Variants in SRRM2 observed in about 807,000 individuals in gnomAD.
SRRM2 encodes the protein serine/arginine repetitive matrix 2.
In SRRM2, 30 loss-of-function variants were observed where a neutral mutation model predicts 213.8. That is an observed-to-expected ratio of 0.14 (90% CI 0.10 to 0.19). SRRM2 has a LOEUF of 0.19. SRRM2 is among the 10% of genes least tolerant of loss of function. SRRM2 has a pLI of 1.00. For synonymous variants in SRRM2, 2,025 were observed against 1,377.7 expected, an observed-to-expected ratio of 1.47 and a Z score of -10.40; for missense variants, 4,904 against 3,647.0, an observed-to-expected ratio of 1.34 and a Z score of -8.88.
Position 2,771,001 on chromosome 16 carries a change from C to A in SRRM2, c.*134C>A, listed in dbSNP as rs747061247. 5 of 994,404 alleles carry A rather than the reference C, an allele frequency of 5.0e-6. No individual in the cohort carries two copies. The highest frequency in any genetic ancestry group is 2.7e-5 in the East Asian group (1 of 37,346). The allele number at this position is 994,404 out of a possible 1,614,324, so 61.6% of individuals were successfully genotyped here. The stretch of plus-strand genomic sequence containing the variant: ...TGGCAGCCCTTGGATGGAGGGCTCC[C>A]TTTCCCTCCCCTTTTTTTTTTCTTT... On this transcript the variant is annotated 3_prime_UTR_variant, in exon 15 of 15. Transcript: ENST00000301740.
rs895417957 is a variant in SRRM2, at chr16:2,771,412, A to G, written c.*545A>G. 1.2e-6 allele frequency: 2 copies of G among 1,612,190 alleles called. No homozygotes were observed. Among genetic ancestry groups the G allele is most frequent in the Non-Finnish European group, 1.7e-6 (2 of 1,178,416 alleles). ...TCAAATAAAAATGAGAAATGCAGGA[A>G]CTGGGTCTGTAGACTGTTTATTAAA... On this transcript the variant is annotated 3_prime_UTR_variant, in exon 15 of 15. Transcript: ENST00000301740.
intron 5 of SRRM2, 114 bp from the exon 6 acceptor site, chr16:2,758,871 T>A: frequency 9.0e-7 from 1 of 1,115,608 alleles, no homozygotes; most frequent in African/African-American, 1.6e-5. Context: ...TCTGGGGCAT[T>A]AGTGCTATTA....
At chr16:2,758,117 G>A (rs2068212746) in intron 4 of SRRM2, among the ~76,000 whole-genome samples, 172 bp downstream of exon 4, 1 of 152,188 alleles carries the variant, frequency 6.6e-6, no homozygotes. Context: ...GGTCACGCGC[G>A]TAATCCCAGC....
Position 2,765,670 on chromosome 16 carries a change from A to C in SRRM2, c.5142A>C (p.Pro1714=). The C allele has an allele frequency of 6.2e-7, 1 of 1,614,120 alleles. No homozygotes were observed. Among genetic ancestry groups the C allele is most frequent in the South Asian group, 1.1e-5 (1 of 91,066 alleles). The part of the protein sequence containing the change: ...SRRSRSASSS[P]ETRSRTPPRH... The stretch of plus-strand genomic sequence containing the variant: ...GAAGCCGCTCTGCCTCATCCTCACC[A>C]GAAACTCGCTCTAGAACTCCCCCAA... The change falls in exon 11 of 15, where the codon CCA becomes CCC. Residue 1714 remains proline (P), a synonymous_variant. Coordinates refer to ENST00000301740, the MANE Select transcript of SRRM2 (RefSeq NM_016333.4).
Position 2,767,975 on chromosome 16 carries a change from A to G in SRRM2, c.7447A>G (p.Thr2483Ala). ...CCTTTCCTCTGGGGCAGTGGCAACGACCACGTCCTCTGCTGGTGATCACAA... is the reference window on the plus strand; with the variant it reads ...CCTTTCCTCTGGGGCAGTGGCAACGGCCACGTCCTCTGCTGGTGATCACAA... ...QSLSSGAVAT[T>A]TSSAGDHNGM... Residue 2483 changes from threonine (T) to alanine (A), a missense_variant, in exon 11 of 15, where the codon ACC becomes GCC. Thr to Ala is a moderately conservative substitution (Grantham distance 58). Coordinates refer to ENST00000301740, the MANE Select transcript of SRRM2 (RefSeq NM_016333.4). 1 of 1,614,060 alleles carries G rather than the reference A, an allele frequency of 6.2e-7. No individual in the cohort carries two copies. Among genetic ancestry groups the G allele is most frequent in the Non-Finnish European group, 8.5e-7 (1 of 1,180,002 alleles).
intron 12 of SRRM2, 153 bp downstream of exon 12, chr16:2,769,437 C>T (rs1011350446): frequency 2.5e-5 from 22 of 878,782 alleles, no homozygotes; most frequent in Admixed American, 2.2e-4. Context: ...TCCCCATGCT[C>T]GTTGCACCCT....
At chr16:2,770,783 T>A in intron 14 of SRRM2, 66 bp downstream of exon 14, 1 of 1,609,560 alleles carries the variant, frequency 6.2e-7, no homozygotes, top group Non-Finnish European at 8.5e-7. Context: ...GGCGGCCCCA[T>A]TTTGGGAGTG....
chr16:2,760,576 A>T, intron 10 of SRRM2, 77 bp downstream of exon 10: 2 of 1,482,564 alleles, frequency 1.3e-6, no homozygotes, highest in Non-Finnish European at 1.8e-6. Flanking sequence ...TGAAAGGGAG[A>T]GGTAATAACT....
At position 2,763,101 on chromosome 16, in the gene SRRM2, C is replaced by A; in HGVS notation, c.2573C>A (p.Pro858His). ...CCGAGGCAAGGGTCCATAACAAGTC[C>A]CCAGGCCAATGAGCAATCTGTAACG... Reference protein sequence around the residue: ...TPPRQGSITSPQANEQSVTPQ... With the variant: ...TPPRQGSITSHQANEQSVTPQ... Residue 858 changes from proline (P) to histidine (H), a missense_variant, in exon 11 of 15, where the codon CCC becomes CAC. By Grantham distance (77) the Pro-to-His change is moderately conservative (BLOSUM62 -2). Transcript: ENST00000301740. 1.2e-6 allele frequency: 2 copies of A among 1,614,164 alleles called. No individual in the cohort carries two copies. Among genetic ancestry groups the A allele is most frequent in the Non-Finnish European group, 1.7e-6 (2 of 1,180,022 alleles).
chr16:2,766,041 G>A lies in SRRM2; in HGVS notation c.5513G>A (p.Arg1838Gln), dbSNP rs933293650. The A allele has an allele frequency of 1.5e-5, 24 of 1,614,034 alleles. No homozygotes were observed. Among genetic ancestry groups the A allele is most frequent in the Non-Finnish European group, 1.9e-5 (22 of 1,180,044 alleles). ...QESSRTSSRR[R>Q]RGRSRTPPTS... ...AGTTCCCGGACCTCCTCTCGACGCCGAAGAGGCCGCTCTCGGACACCCCCA... is the reference window on the plus strand; with the variant it reads ...AGTTCCCGGACCTCCTCTCGACGCCAAAGAGGCCGCTCTCGGACACCCCCA... The change falls in exon 11 of 15, where the codon CGA becomes CAA. Residue 1838 changes from arginine (R) to glutamine (Q), a missense_variant. Transcript: ENST00000301740. This position sits in a 1 kb window ranked among gnomAD's most constrained non-coding sequence, Gnocchi z 7.0.
rs373493859 is a variant in SRRM2, at chr16:2,770,603, G to T, written c.8136-1G>T. 7.1e-6 allele frequency: 11 copies of T among 1,553,146 alleles called. No homozygotes were observed. Among genetic ancestry groups the T allele is most frequent in the African/African-American group, 2.7e-5 (2 of 73,190 alleles). ...GGCCTGATGTCTGTCCTGTGTTGCA[G>T]CAGCAGCAGTGAGCGGGGTTCCCGG... On this transcript the variant is annotated splice_acceptor_variant, in intron 13 of 14. Transcript: ENST00000301740. LOFTEE classifies it high-confidence loss of function.
chr16:2,755,355 G>A (rs2150770173), intron 1 of SRRM2, among the ~76,000 whole-genome samples: 2 of 152,280 alleles, frequency 1.3e-5, no homozygotes, highest in South Asian at 4.1e-4. Flanking sequence ...CCAGGGGATT[G>A]GTGGGGAAAG....
At position 2,764,914 on chromosome 16, in the gene SRRM2, C is replaced by G. The variant is rs1164375868; in HGVS notation, c.4386C>G (p.Ser1462=). 6.2e-7 allele frequency: 1 copy of G among 1,614,154 alleles called. No individual in the cohort carries two copies. The highest frequency in any genetic ancestry group is 8.5e-7 in the Non-Finnish European group (1 of 1,180,040). ...CCTCGAGGCACAGCCTGTCTGGGTC[C>G]TCTCCTGGAATGAAAGATATACCTA... ...GTPSRHSLSG[S]SPGMKDIPRT... The change falls in exon 11 of 15, where the codon TCC becomes TCG. Residue 1462 remains serine, a synonymous_variant. Coordinates refer to ENST00000301740, the MANE Select transcript of SRRM2 (RefSeq NM_016333.4).
At chr16:2,756,276 C>A (rs962540653) in intron 1 of SRRM2, 58 bp from the exon 2 acceptor site, 2 of 1,408,522 alleles carry the variant, frequency 1.4e-6, no homozygotes, top group Non-Finnish European at 1.9e-6. Flanking sequence ...GGGTGTGGGG[C>A]GGTAAGTGGT....
chr16:2,764,342 C>G lies in SRRM2; in HGVS notation c.3814C>G (p.Pro1272Ala). 1.2e-6 allele frequency: 2 copies of G among 1,614,162 alleles called. No homozygotes were observed. The highest frequency in any genetic ancestry group is 1.7e-6 in the Non-Finnish European group (2 of 1,180,040). ...EMSTSNFESS[P>A]EVEERPAVSL... ...GTCCACAAGTAACTTTGAATCATCT[C>G]CTGAAGTAGAAGAAAGGCCTGCTGT... The change falls in exon 11 of 15, where the codon CCT (proline) becomes GCT (alanine). Residue 1272 changes from proline to alanine, a missense_variant. Coordinates refer to ENST00000301740, the MANE Select transcript of SRRM2 (RefSeq NM_016333.4).
chr16:2,762,422 C>A lies in SRRM2; in HGVS notation c.1894C>A (p.Arg632=). 1 of 1,613,936 alleles carries A rather than the reference C, an allele frequency of 6.2e-7. No homozygotes were observed. Among genetic ancestry groups the A allele is most frequent in the South Asian group, 1.1e-5 (1 of 91,058 alleles). ...CAGATCTAGGACCCGATCACCAGTA[C>A]GACGCAGGTCTCGTAGTAGATCACC... ...RRRSRTRSPV[R]RRSRSRSPAR... The change falls in exon 11 of 15, where the codon CGA becomes AGA. Residue 632 remains arginine (R), a synonymous_variant. Transcript: ENST00000301740.
In SRRM2 at chr16:2,763,245, G is replaced by C. The variant is rs535878526; in HGVS notation, c.2717G>C (p.Arg906Thr). 1.2e-6 allele frequency: 2 copies of C among 1,614,032 alleles called. No homozygotes were observed. Among genetic ancestry groups the C allele is most frequent in the East Asian group, 4.5e-5 (2 of 44,882 alleles). The change falls in exon 11 of 15, where the codon AGA becomes ACA. Residue 906 changes from arginine to threonine, a missense_variant. Arg to Thr is a moderately conservative substitution (Grantham distance 71, BLOSUM62 -1). Transcript: ENST00000301740. ...AGAGTGAAATCTAGCACACCTCCCA[G>C]ACAGAGCCCATCTAGGTCATCATCT... Reference protein sequence around the residue: ...PPRVKSSTPPRQSPSRSSSPQ... With the variant: ...PPRVKSSTPPTQSPSRSSSPQ...
chr16:2,766,345 G>T lies in SRRM2; in HGVS notation c.5817G>T (p.Thr1939=). ...CCCGCCGTCGTTCAAGGTCTAGAACGCCAACAACACGCCGCCGCTCCCGTT... is the reference window on the plus strand; with the variant it reads ...CCCGCCGTCGTTCAAGGTCTAGAACTCCAACAACACGCCGCCGCTCCCGTT... ...PVTRRRSRSR[T]PTTRRRSRSR... is the part of the protein sequence containing the mutation. Residue 1939 remains threonine (T), a synonymous_variant, in exon 11 of 15, where the codon ACG becomes ACT. Transcript: ENST00000301740. This position sits in a 1 kb window ranked among gnomAD's most constrained non-coding sequence, Gnocchi z 7.0. The T allele has an allele frequency of 1.9e-6, 3 of 1,614,062 alleles. No homozygotes were observed. Among genetic ancestry groups the T allele is most frequent in the Non-Finnish European group, 2.5e-6 (3 of 1,179,974 alleles).
chr16:2,770,928 TC>T lies in SRRM2; in HGVS notation c.*65del, dbSNP rs753011475. On this transcript the variant is annotated 3_prime_UTR_variant, in exon 15 of 15. Coordinates refer to ENST00000301740, the MANE Select transcript of SRRM2 (RefSeq NM_016333.4). ...TGGAGCCACAAGGAGTGTCCCTTCT[TC>T]CCCAGCAGAGCCGTGGGAGGGTCCT... is the stretch of plus-strand genomic sequence containing the variant. The T allele has an allele frequency of 1.2e-6, 2 of 1,608,874 alleles. No homozygotes were observed. Among genetic ancestry groups the T allele is most frequent in the Non-Finnish European group, 1.7e-6 (2 of 1,177,122 alleles).
Sources: allele counts gnomAD v4.1 joint callset (sites outside exome capture counted in the v4.1 genomes callset), GRCh38; gene constraint gnomAD v4.1.1; non-coding constraint Gnocchi (gnomAD v3.1); transcripts MANE v1.5; gene names NCBI Gene and HGNC (gene_info 2026-07-23, HGNC 2026-07-21).